The following DCLK2 variants were observed in gnomAD, a reference collection of about 807,000 sequenced individuals.
DCLK2 encodes serine/threonine-protein kinase DCLK2.
Under a neutral mutation model 78.4 loss-of-function variants are expected in DCLK2, and 31 were observed. The ratio of observed to expected loss-of-function variants is 0.40; its 90% confidence interval spans 0.30 to 0.53. DCLK2 has a LOEUF of 0.53. DCLK2 is among the 20% of genes least tolerant of loss of function. The pLI, the probability that DCLK2 is intolerant of heterozygous loss-of-function variation, is 0.61. For missense variants in DCLK2, 872 were observed against 973.7 expected, an observed-to-expected ratio of 0.90 and a Z score of 1.39; for synonymous variants, 407 against 374.9, an observed-to-expected ratio of 1.09 and a Z score of -0.99.
At chr4:150,239,669 C>G in intron 10 of DCLK2, 73 bp from the exon 11 acceptor site, 1 of 1,557,892 alleles carries the variant, frequency 6.4e-7, no homozygotes, top group Non-Finnish European at 8.7e-7. Context: ...TCCTTTCTGC[C>G]TAATTCCAAG....
At chr4:150,171,208 C>A (rs572770241) in intron 2 of DCLK2, among the ~76,000 whole-genome samples, 8 of 152,162 alleles carry the variant, frequency 5.3e-5, no homozygotes, top group Non-Finnish European at 1.2e-4. Flanking sequence ...TGGCTGGGCG[C>A]GGTGGCTCAC....
intron 8 of DCLK2, 109 bp downstream of exon 8, chr4:150,224,667 A>C: frequency 1.3e-6 from 1 of 779,048 alleles, no homozygotes. Context: ...TCACAGCAGG[A>C]GTAGAGACCA....
Position 150,080,111 on chromosome 4 carries a change from GC to G in DCLK2, c.421+673del, listed in dbSNP as rs540978992. On this transcript the variant is annotated intron_variant, in intron 1 of 15. Transcript: ENST00000296550. ...GGGTTAGGCGTCTGGAGTCTCAAAA[GC>G]CCCCCCCCCAGGTGATTCTAATGTG... 5.3e-3 allele frequency among the ~76,000 whole-genome samples: 687 copies of G among 129,562 alleles called. 26 individuals are homozygous for G. Among genetic ancestry groups the G allele is most frequent in the African/African-American group, 0.014 (515 of 37,352 alleles). The allele number at this position is 129,562 out of a possible 152,430, so 85.0% of individuals were successfully genotyped here.
chr4:150,243,921 A>G (rs1286884011), intron 12 of DCLK2, among the ~76,000 whole-genome samples: 6 of 148,858 alleles, frequency 4.0e-5, no homozygotes, highest in Non-Finnish European at 8.9e-5. Context: ...CCAGTCTGTA[A>G]ATTTTATTTT....
rs1431846631 is a variant in DCLK2, at chr4:150,180,983, G to A, written c.757-12155G>A. On this transcript the variant is annotated intron_variant, in intron 2 of 15. Transcript: ENST00000296550. ...GGAGGGACTGCTGCACACAGAGATC[G>A]GGAACACCCTGGACAGACAGGCATT... Among the ~76,000 whole-genome samples the A allele has an allele frequency of 3.3e-5, 5 of 152,032 alleles. No homozygotes were observed. In the South Asian group the frequency reaches 8.3e-4, roughly 25 times the overall value.
At chr4:150,136,910 A>G (rs1449284565) in intron 2 of DCLK2, among the ~76,000 whole-genome samples, 2 of 151,804 alleles carry the variant, frequency 1.3e-5, no homozygotes, top group African/African-American at 2.4e-5. Flanking sequence ...ATAATGGATC[A>G]TGGAGAACCT....
At chr4:150,150,784 G>T (rs1278050056) in intron 2 of DCLK2, among the ~76,000 whole-genome samples, 1 of 152,208 alleles carries the variant, frequency 6.6e-6, no homozygotes, top group Non-Finnish European at 1.5e-5. Flanking sequence ...CTTGCACCTT[G>T]GCTTTTGTTG....
intron 2 of DCLK2, among the ~76,000 whole-genome samples, chr4:150,135,666 T>C (rs1733638889): frequency 6.6e-6 from 1 of 152,222 alleles, no homozygotes; most frequent in Non-Finnish European, 1.5e-5. Flanking sequence ...AAGGATTTGC[T>C]CATCTGTCTC....
chr4:150,249,768 T>G (rs1580798817), intron 15 of DCLK2, 84 bp downstream of exon 15: 2 of 1,077,478 alleles, frequency 1.9e-6, no homozygotes, highest in East Asian at 2.4e-5. Context: ...TGCCCTCACA[T>G]GGAAGTTGGT....
chr4:150,193,359 C>G lies in DCLK2; in HGVS notation c.859+119C>G, dbSNP rs1020857737. The G allele has an allele frequency of 7.5e-6, 4 of 535,528 alleles. No homozygotes were observed. The African/African-American group carries it at 7.6e-5, about 10-fold the overall frequency. The allele number at this position is 535,528 out of a possible 1,614,324, so 33.2% of individuals were successfully genotyped here. A position where few individuals can be genotyped will look rare whatever the true frequency, so the allele number is the denominator to read the frequency against. On this transcript the variant is annotated intron_variant, in intron 3 of 15. Transcript: ENST00000296550. Reference sequence around the variant, plus strand: ...AGTCTGACATGTTGAGGAAAGATAGCATTGGCAGTACAATTTTTGAACCAA... The same window carrying G: ...AGTCTGACATGTTGAGGAAAGATAGGATTGGCAGTACAATTTTTGAACCAA...
intron 12 of DCLK2, 92 bp downstream of exon 12, chr4:150,240,568 T>G (rs1220490519): frequency 1.9e-6 from 2 of 1,036,622 alleles, no homozygotes; most frequent in Non-Finnish European, 2.6e-6. Context: ...CGGGACTGTT[T>G]GGTCATTAAA....
chr4:150,120,931 C>T (rs1481176666), intron 2 of DCLK2, among the ~76,000 whole-genome samples: 1 of 152,036 alleles, frequency 6.6e-6, no homozygotes, highest in Non-Finnish European at 1.5e-5. Context: ...ATTAGCCAGG[C>T]GTGGTGGCAG....
At chr4:150,170,218 A>G (rs1029351948) in intron 2 of DCLK2, among the ~76,000 whole-genome samples, 1 of 151,770 alleles carries the variant, frequency 6.6e-6, no homozygotes, top group African/African-American at 2.4e-5. Flanking sequence ...TGATGTTTGT[A>G]TTTTTACTAT....
intron 5 of DCLK2, among the ~76,000 whole-genome samples, chr4:150,211,531 T>C (rs1006052838): frequency 6.6e-6 from 1 of 152,128 alleles, no homozygotes; most frequent in Non-Finnish European, 1.5e-5. Context: ...TCCATTTTCA[T>C]CTCTTTATCA....
chr4:150,163,248 A>C (rs1477778120), intron 2 of DCLK2, among the ~76,000 whole-genome samples: 2 of 151,978 alleles, frequency 1.3e-5, no homozygotes, highest in Admixed American at 6.6e-5. Flanking sequence ...AAATACAAAA[A>C]TTCACTGGGC....
chr4:150,188,640 G>A (rs899916645), intron 2 of DCLK2, among the ~76,000 whole-genome samples: 3 of 152,012 alleles, frequency 2.0e-5, no homozygotes, highest in Non-Finnish European at 4.4e-5. Flanking sequence ...GGTGGCTCAC[G>A]CCTGTAATCC....
chr4:150,207,357 G>C (rs1396195480), intron 5 of DCLK2, among the ~76,000 whole-genome samples: 1 of 152,124 alleles, frequency 6.6e-6, no homozygotes, highest in African/African-American at 2.4e-5. Context: ...TTCTGTCACC[G>C]TTTTTCCCTC....
At chr4:150,240,096 T>A (rs1307252105) in intron 11 of DCLK2, among the ~76,000 whole-genome samples, 1 of 152,170 alleles carries the variant, frequency 6.6e-6, no homozygotes, top group Non-Finnish European at 1.5e-5. Flanking sequence ...GAGAGTCTGT[T>A]GCCTGCACCA....
intron 2 of DCLK2, among the ~76,000 whole-genome samples, chr4:150,138,390 C>T (rs369164349): frequency 1.3e-5 from 2 of 152,114 alleles, no homozygotes; most frequent in East Asian, 3.9e-4. Flanking sequence ...GGGGGGATCA[C>T]CTGAGGCCAG....
Sources: allele counts gnomAD v4.1 joint callset (sites outside exome capture counted in the v4.1 genomes callset), GRCh38; gene constraint gnomAD v4.1.1; transcripts MANE v1.5; gene names NCBI Gene and HGNC (gene_info 2026-07-23, HGNC 2026-07-21).